The following FBXO34 variants were observed in gnomAD, a reference collection of about 807,000 sequenced individuals.
FBXO34 encodes the protein F-box protein 34.
FBXO34 carries 12 observed loss-of-function variants against 24.5 expected under a neutral mutation model. That is an observed-to-expected ratio of 0.49 (90% CI 0.31 to 0.79). FBXO34 has a LOEUF of 0.79. FBXO34 is among the 30% of genes least tolerant of loss of function. FBXO34 has a pLI of 0.04. For missense variants in FBXO34, 823 were observed against 857.7 expected, an observed-to-expected ratio of 0.96 and a Z score of 0.51; for synonymous variants, 320 against 311.9, an observed-to-expected ratio of 1.03 and a Z score of -0.27.
chr14:55,436,764 T>C, the FBXO34 span: 1 of 1,614,218 alleles, frequency 6.2e-7, no homozygotes, highest in Non-Finnish European at 8.5e-7. Context: ...CGCTGGGTGA[T>C]GGCAACCTAC....
chr14:55,411,322 G>A, the FBXO34 span, among the ~76,000 whole-genome samples: 2 of 152,380 alleles, frequency 1.3e-5, no homozygotes, highest in East Asian at 1.9e-4. Context: ...CTTCTCCAGA[G>A]AGTCACCACT....
At chr14:55,340,618 A>G (rs1187536617) in intron 1 of FBXO34, among the ~76,000 whole-genome samples, 3 of 152,060 alleles carry the variant, frequency 2.0e-5, no homozygotes, top group Non-Finnish European at 4.4e-5. Context: ...TCAGTTACGT[A>G]TAACTGTGTT....
At chr14:55,387,488 T>C in the FBXO34 span, among the ~76,000 whole-genome samples, 1 of 152,114 alleles carries the variant, frequency 6.6e-6, no homozygotes, top group African/African-American at 2.4e-5. Context: ...GGTAATGTGT[T>C]CAGACTCTTC....
intron 1 of FBXO34, among the ~76,000 whole-genome samples, chr14:55,316,973 A>C (rs891811437): frequency 1.5e-4 from 23 of 152,330 alleles, no homozygotes; most frequent in African/African-American, 5.5e-4. Context: ...TGAATATGCA[A>C]GTACGGCTTA....
At chr14:55,424,548 T>C in the FBXO34 span, among the ~76,000 whole-genome samples, 1 of 152,206 alleles carries the variant, frequency 6.6e-6, no homozygotes, top group East Asian at 1.9e-4. Context: ...AGCTTGTTGG[T>C]TAAACATCCT....
chr14:55,359,445 G>A (rs763213060), intron 3 of FBXO34, among the ~76,000 whole-genome samples: 29 of 152,168 alleles, frequency 1.9e-4, no homozygotes, highest in Non-Finnish European at 4.3e-4. Context: ...ATGTGATACT[G>A]TACTAAGTGT....
intron 1 of FBXO34, among the ~76,000 whole-genome samples, chr14:55,305,809 C>G (rs1566548236): frequency 6.6e-6 from 1 of 152,200 alleles, no homozygotes. Context: ...TTATCCCCCA[C>G]ATTTCTCCCG....
the FBXO34 span, among the ~76,000 whole-genome samples, chr14:55,399,016 AT>A: frequency 1.3e-5 from 2 of 152,250 alleles, no homozygotes; most frequent in African/African-American, 2.4e-5. Context: ...AAGGAAAACA[AT>A]TCAACAGGCC....
At chr14:55,337,863 C>G (rs956062523) in intron 1 of FBXO34, among the ~76,000 whole-genome samples, 4 of 152,032 alleles carry the variant, frequency 2.6e-5, no homozygotes, top group African/African-American at 9.7e-5. Flanking sequence ...GAGGAGTACC[C>G]TGCCATGGGC....
chr14:55,287,956 C>CCTGT (rs1881818089), intron 1 of FBXO34, among the ~76,000 whole-genome samples: 1 of 152,148 alleles, frequency 6.6e-6, no homozygotes, highest in Non-Finnish European at 1.5e-5. Flanking sequence ...TTGACTGTGA[C>CCTGT]CTGTCACATG....
the FBXO34 span, among the ~76,000 whole-genome samples, chr14:55,442,899 C>A: frequency 9.9e-5 from 15 of 152,172 alleles, no homozygotes; most frequent in Non-Finnish European, 1.6e-4. Flanking sequence ...GGGATGTTCA[C>A]ACAGAGAAGG....
the FBXO34 span, chr14:55,380,506 A>C: frequency 1.9e-6 from 2 of 1,075,344 alleles, no homozygotes; most frequent in Admixed American, 2.0e-5. Flanking sequence ...TATTGGAATA[A>C]ATAAAGACAA....
the FBXO34 span, among the ~76,000 whole-genome samples, chr14:55,435,101 T>C: frequency 4.1e-4 from 63 of 152,312 alleles, no homozygotes; most frequent in Middle Eastern, 6.8e-3. Context: ...CCCTGAATCT[T>C]ACATTAGTAA....
chr14:55,384,122 C>A, the FBXO34 span, among the ~76,000 whole-genome samples: 1 of 152,290 alleles, frequency 6.6e-6, no homozygotes, highest in East Asian at 1.9e-4. Flanking sequence ...GAAAGGCAAA[C>A]AAGAAACCTT....
chr14:55,401,845 G>C, the FBXO34 span, among the ~76,000 whole-genome samples: 8 of 152,178 alleles, frequency 5.3e-5, no homozygotes, highest in Non-Finnish European at 1.0e-4. Flanking sequence ...CTGAGGGTGA[G>C]CCAGAGTTGA....
At chr14:55,406,105 T>A in the FBXO34 span, among the ~76,000 whole-genome samples, 4 of 152,202 alleles carry the variant, frequency 2.6e-5, no homozygotes, top group South Asian at 8.3e-4. Context: ...AGACACATGG[T>A]TCCCTTCTTA....
At chr14:55,288,504 T>G (rs113202668) in intron 1 of FBXO34, among the ~76,000 whole-genome samples, 2 of 152,210 alleles carry the variant, frequency 1.3e-5, no homozygotes, top group African/African-American at 4.8e-5. Context: ...TTCACATATT[T>G]TAAAATAGTG....
the FBXO34 span, among the ~76,000 whole-genome samples, chr14:55,405,553 G>C: frequency 1.3e-5 from 2 of 152,136 alleles, no homozygotes; most frequent in African/African-American, 2.4e-5. Context: ...ATTTCCCCAG[G>C]TATCCTTAGA....
the FBXO34 span, among the ~76,000 whole-genome samples, chr14:55,434,946 A>T: frequency 6.6e-6 from 1 of 152,202 alleles, no homozygotes; most frequent in Non-Finnish European, 1.5e-5. Context: ...CTAAGTACAG[A>T]GCCTGGCAAA....
Sources: gnomAD v4.1 joint callset for allele counts (sites outside exome capture counted in the v4.1 genomes callset) on GRCh38, gnomAD v4.1.1 for gene constraint, MANE v1.5 for transcripts, NCBI Gene and HGNC (gene_info 2026-07-23, HGNC 2026-07-21) for gene names.